LRBA: variants seen among roughly 807,000 people sequenced by gnomAD.
LRBA encodes lipopolysaccharide-responsive and beige-like anchor protein.
LRBA carries 176 observed loss-of-function variants against 330.0 expected under a neutral mutation model. The ratio of observed to expected loss-of-function variants is 0.53; its 90% confidence interval spans 0.47 to 0.60. The LOEUF (loss-of-function observed/expected upper bound fraction) is 0.60. Ranked by LOEUF, LRBA falls within the 20% of genes least tolerant of loss-of-function variation. The pLI is 0.00. For missense variants in LRBA, 3,259 were observed against 3,444.8 expected, an observed-to-expected ratio of 0.95 and a Z score of 1.35; for synonymous variants, 1,230 against 1,193.0, an observed-to-expected ratio of 1.03 and a Z score of -0.64.
chr4:150,628,032 G>C (rs1777020852), intron 37 of LRBA, among the ~76,000 whole-genome samples: 1 of 151,972 alleles, frequency 6.6e-6, no homozygotes, highest in Non-Finnish European at 1.5e-5. Context: ...AAGCTTTTAA[G>C]CTTTTTTTGC....
At position 150,590,783 on chromosome 4, in the gene LRBA, G is replaced by A. The variant is rs764148459; in HGVS notation, c.6123C>T (p.Asn2041=). 1.2e-5 allele frequency: 20 copies of A among 1,613,554 alleles called. No individual in the cohort carries two copies. The highest frequency in any genetic ancestry group is 1.6e-4 in the Middle Eastern group (1 of 6,084). ...CATCATCGCCTTCCAGGAGGATCTC[G>A]TTTTCTGAGTTCTGATTTCCTAAAG... ...SQALGNQNSE[N]EILLEGDDDT... The change falls in exon 39 of 57, where the codon AAC becomes AAT. Residue 2041 remains asparagine, a synonymous_variant. Coordinates refer to ENST00000651943, the MANE Select transcript of LRBA (RefSeq NM_001364905.1).
At chr4:150,478,165 C>T (rs1005013369) in intron 42 of LRBA, among the ~76,000 whole-genome samples, 10 of 152,200 alleles carry the variant, frequency 6.6e-5, no homozygotes, top group African/African-American at 2.2e-4. Flanking sequence ...CTCATGGCTT[C>T]AAATTTCATC....
intron 10 of LRBA, 26 bp from the exon 11 acceptor site, chr4:150,908,493 G>T: frequency 6.4e-7 from 1 of 1,567,350 alleles, no homozygotes; most frequent in Non-Finnish European, 8.6e-7. Flanking sequence ...ACACAGTAAA[G>T]AGTTCAATGA....
chr4:150,630,187 CAT>C (rs1777239063), intron 37 of LRBA, among the ~76,000 whole-genome samples: 1 of 152,112 alleles, frequency 6.6e-6, no homozygotes, highest in Admixed American at 6.6e-5. Flanking sequence ...ACAGTTCTGC[CAT>C]ATCTCATGCC....
chr4:150,448,753 G>T (rs1752932046), intron 44 of LRBA, among the ~76,000 whole-genome samples: 1 of 117,814 alleles, frequency 8.5e-6, no homozygotes, highest in Admixed American at 1.3e-4. Context: ...AGTGAGCCAA[G>T]ATCATGCCCT....
chr4:150,299,911 A>G (rs185133739), intron 53 of LRBA, among the ~76,000 whole-genome samples: 1 of 152,208 alleles, frequency 6.6e-6, no homozygotes, highest in East Asian at 1.9e-4. Context: ...GGTCATTTAC[A>G]TTGTATCTAA....
intron 48 of LRBA, among the ~76,000 whole-genome samples, chr4:150,326,202 C>G (rs1278406598): frequency 6.6e-6 from 1 of 152,138 alleles, no homozygotes; most frequent in Non-Finnish European, 1.5e-5. Flanking sequence ...TTTTCTTGCA[C>G]TTGGTTTTCC....
At chr4:150,951,374 C>CAA (rs772512063) in intron 2 of LRBA, among the ~76,000 whole-genome samples, 2 of 135,658 alleles carry the variant, frequency 1.5e-5, no homozygotes, top group African/African-American at 5.5e-5. Flanking sequence ...CATCTTTTTA[C>CAA]AAAAAAAAAA....
At chr4:150,836,130 C>T (rs1010562456) in intron 28 of LRBA, among the ~76,000 whole-genome samples, 11 of 152,162 alleles carry the variant, frequency 7.2e-5, no homozygotes, top group African/African-American at 2.7e-4. Context: ...TTGAACCAGC[C>T]TTGCATCCCA....
At position 150,871,329 on chromosome 4, in the gene LRBA, C is replaced by A; in HGVS notation, c.2367+16G>T. 2 of 1,426,268 alleles carry A rather than the reference C, an allele frequency of 1.4e-6. No homozygotes were observed. The highest frequency in any genetic ancestry group is 1.4e-5 in the African/African-American group (1 of 71,566). 88.4% of individuals were successfully genotyped at this position (1,426,268 alleles called of 1,614,324 possible). On this transcript the variant is annotated intron_variant, in intron 19 of 56. Transcript: ENST00000651943. Reference sequence around the variant, plus strand: ...AATAAGAAATTTAGAGGAGTAAATCCTAAGTACATTCCTACCTCAAACAGC... The same window carrying A: ...AATAAGAAATTTAGAGGAGTAAATCATAAGTACATTCCTACCTCAAACAGC...
chr4:150,443,873 T>TA (rs1491391084), intron 44 of LRBA, among the ~76,000 whole-genome samples: 3,975 of 18,128 alleles, frequency 0.22, 110 homozygotes, highest in Middle Eastern at 0.44. Flanking sequence ...TATATATATA[T>TA]TTTTTTTTTT....
chr4:150,456,690 T>A (rs1348660312), intron 44 of LRBA, among the ~76,000 whole-genome samples: 3 of 152,162 alleles, frequency 2.0e-5, no homozygotes, highest in Non-Finnish European at 4.4e-5. Flanking sequence ...TGTGGTCCCA[T>A]TTGCCCGTTT....
At chr4:150,399,916 C>T (rs1745238273) in intron 47 of LRBA, among the ~76,000 whole-genome samples, 1 of 152,170 alleles carries the variant, frequency 6.6e-6, no homozygotes, top group African/African-American at 2.4e-5. Context: ...GTGGAAGTTT[C>T]AGTGGGCGGA....
intron 37 of LRBA, among the ~76,000 whole-genome samples, chr4:150,628,509 C>T (rs1434151872): frequency 6.6e-6 from 1 of 152,160 alleles, no homozygotes; most frequent in Non-Finnish European, 1.5e-5. Flanking sequence ...AACGATATTA[C>T]TGAGTTCATT....
At chr4:150,760,206 T>C (rs535360241) in intron 35 of LRBA, among the ~76,000 whole-genome samples, 276 of 152,308 alleles carry the variant, frequency 1.8e-3, no homozygotes, top group Non-Finnish European at 3.4e-3. Context: ...TTTCAATAAA[T>C]ATACACTTTG....
chr4:150,312,311 G>T (rs1388262216), intron 51 of LRBA, among the ~76,000 whole-genome samples: 1 of 151,948 alleles, frequency 6.6e-6, no homozygotes, highest in Non-Finnish European at 1.5e-5. Flanking sequence ...TACCCCTGGA[G>T]GTGTAAGACT....
intron 40 of LRBA, among the ~76,000 whole-genome samples, chr4:150,518,382 T>C (rs1436602228): frequency 6.6e-6 from 1 of 152,190 alleles, no homozygotes; most frequent in Admixed American, 6.5e-5. Flanking sequence ...ATTTTGGGAA[T>C]TTTTTATTTA....
intron 2 of LRBA, among the ~76,000 whole-genome samples, chr4:150,973,853 T>C (rs1739858507): frequency 6.6e-6 from 1 of 152,098 alleles, no homozygotes; most frequent in South Asian, 2.1e-4. Context: ...CAAAAGAAAC[T>C]TGAGCATCAG....
chr4:150,639,630 A>G (rs1778319883), intron 37 of LRBA, among the ~76,000 whole-genome samples: 1 of 143,848 alleles, frequency 7.0e-6, no homozygotes, highest in Admixed American at 6.9e-5. Flanking sequence ...CCACAAGAAG[A>G]ATAGTTCAAT....
Sources: allele counts gnomAD v4.1 joint callset (sites outside exome capture counted in the v4.1 genomes callset), GRCh38; gene constraint gnomAD v4.1.1; transcripts MANE v1.5; gene names NCBI Gene and HGNC (gene_info 2026-07-23, HGNC 2026-07-21).